Variants in DUSP8 observed in about 807,000 individuals in gnomAD.
The protein encoded by DUSP8 is dual specificity protein phosphatase 8.
Under a neutral mutation model 38.7 loss-of-function variants are expected in DUSP8, and 15 were observed. The ratio of observed to expected loss-of-function variants is 0.39; its 90% CI spans 0.26 to 0.60. The LOEUF (loss-of-function observed/expected upper bound fraction) is 0.60, where lower values mean the gene tolerates loss of function less well. Ranked by LOEUF, DUSP8 falls within the 20% of genes least tolerant of loss-of-function variation. The pLI is 0.56. For missense variants in DUSP8, 768 were observed against 915.0 expected (o/e 0.84, Z 2.07); for synonymous variants, 458 against 433.9 (o/e 1.06, Z -0.69).
At chr11:1,568,318 G>T (rs1394179018) in intron 1 of DUSP8, among the ~76,000 whole-genome samples, 1 of 144,838 alleles carries the variant, frequency 6.9e-6, no homozygotes, top group African/African-American at 2.5e-5. Context: ...CCAGATCTGA[G>T]ACCCAGAGGG....
intron 2 of DUSP8, 82 bp downstream of exon 2, chr11:1,565,514 A>AG (rs1402064434): frequency 2.7e-6 from 3 of 1,113,752 alleles, no homozygotes; most frequent in Non-Finnish European, 3.9e-6. Flanking sequence ...AAGGCAGAGG[A>AG]GGGGGGTGCT....
In DUSP8 at chr11:1,556,280, G is replaced by A. The variant is rs1419471393; in HGVS notation, c.*238C>T. 6.0e-6 allele frequency: 3 copies of A among 497,576 alleles called. No homozygotes were observed. The highest frequency in any genetic ancestry group is 2.1e-4 in the South Asian group (2 of 9,312). 30.8% of individuals were successfully genotyped at this position (497,576 alleles called of 1,614,324 possible). On this transcript the variant is annotated 3_prime_UTR_variant, in exon 7 of 7. Coordinates refer to ENST00000397374, the MANE Select transcript of DUSP8 (RefSeq NM_004420.3). The surrounding 1 kb of genome is among the most constrained non-coding windows in gnomAD (Gnocchi z 5.2). ...CCAGCTTGCGACTGAAGGTGGCCTC[G>A]TATTGCTTAGAAACGTATGTTTCAG...
chr11:1,562,474 G>A (rs1044704462), intron 3 of DUSP8, among the ~76,000 whole-genome samples: 5 of 152,150 alleles, frequency 3.3e-5, no homozygotes, highest in African/African-American at 7.2e-5. Flanking sequence ...ATCAGAGTGC[G>A]TCATTCTGTG....
At chr11:1,564,881 G>C (rs1188122166) in intron 2 of DUSP8, among the ~76,000 whole-genome samples, 1 of 152,162 alleles carries the variant, frequency 6.6e-6, no homozygotes, top group Non-Finnish European at 1.5e-5. Context: ...CAGTGACCCA[G>C]ACCCCTCTCA....
At position 1,565,803 on chromosome 11, in the gene DUSP8, C is replaced by T; in HGVS notation, c.24G>A (p.Arg8=). The change falls in exon 2 of 7, where the codon AGG becomes AGA. Residue 8 remains arginine (R), a synonymous_variant. Transcript: ENST00000397374. MAGDRLP[R]KVMDAKKLAS... is the part of the protein sequence containing the mutation. ...CCAGCTTCTTGGCATCCATCACCTT[C>T]CTCGGGAGCCGGTCCCCAGCCATGG... The T allele has an allele frequency of 1.2e-6, 2 of 1,607,400 alleles. No individual in the cohort carries two copies. Among genetic ancestry groups the T allele is most frequent in the South Asian group, 1.1e-5 (1 of 90,948 alleles).
chr11:1,568,609 G>A (rs1054954617), intron 1 of DUSP8, among the ~76,000 whole-genome samples: 1 of 152,122 alleles, frequency 6.6e-6, no homozygotes, highest in Non-Finnish European at 1.5e-5. Context: ...GAGTGGGCAC[G>A]CGCCCCTCCC....
chr11:1,568,798 G>A (rs2076184210), intron 1 of DUSP8, among the ~76,000 whole-genome samples: 1 of 152,198 alleles, frequency 6.6e-6, no homozygotes, highest in Non-Finnish European at 1.5e-5. Flanking sequence ...TCTGTACTGC[G>A]AAGGGCTGGC....
intron 2 of DUSP8, among the ~76,000 whole-genome samples, 182 bp from the exon 3 acceptor site, chr11:1,564,171 G>A (rs1019266149): frequency 7.9e-5 from 12 of 152,204 alleles, no homozygotes; most frequent in Admixed American, 2.6e-4. Context: ...TCTGCCAGAG[G>A]CCCAGATGCA....
At position 1,565,975 on chromosome 11, in the gene DUSP8, TG is replaced by T. The variant is rs1848796984; in HGVS notation, c.-108-42del. ...GATGGTCAGCAGTGCTGCGGGCCCC[TG>T]GGTGGCACCCAGAAGCTCCCCAGGA... On this transcript the variant is annotated intron_variant, in intron 1 of 6. Transcript: ENST00000397374. 7.4e-6 allele frequency: 5 copies of T among 672,100 alleles called. No individual in the cohort carries two copies. In the Admixed American group the frequency reaches 1.3e-4, roughly 18 times the overall value. 41.6% of individuals were successfully genotyped at this position (672,100 alleles called of 1,614,324 possible).
chr11:1,559,173 C>T, intron 3 of DUSP8, 118 bp from the exon 4 acceptor site: 2 of 1,038,006 alleles, frequency 1.9e-6, no homozygotes, highest in Non-Finnish European at 2.7e-6. Flanking sequence ...ACACCCAGCC[C>T]AGACCCGAGC....
rs1190117957 is a variant in DUSP8, at chr11:1,571,975, A to G, written c.-183T>C. The stretch of plus-strand genomic sequence containing the variant: ...GGGCGCCCGCTCGGCCGCGCCGTCC[A>G]TGGGCCCGGCGGGGGCCCGCGCAGC... On this transcript the variant is annotated 5_prime_UTR_variant, in exon 1 of 7. An upstream start codon of the reference 5' UTR is lost. Coordinates refer to ENST00000397374, the MANE Select transcript of DUSP8 (RefSeq NM_004420.3). The G allele has an allele frequency of 6.9e-6, 1 of 144,834 alleles. No homozygotes were observed. Among genetic ancestry groups the G allele is most frequent in the Admixed American group, 6.8e-5 (1 of 14,632 alleles). The allele number at this position is 144,834 out of a possible 1,614,324, so 9.0% of individuals were successfully genotyped here.
rs1848910679 is a variant in DUSP8 at position 1,572,055 on chromosome 11, C to CCGCCAA, written c.-269_-264dup. The CCGCCAA allele has an allele frequency of 6.9e-6, 1 of 145,608 alleles. No homozygotes were observed. Among genetic ancestry groups the CCGCCAA allele is most frequent in the Admixed American group, 6.8e-5 (1 of 14,694 alleles). 9.0% of individuals were successfully genotyped at this position (145,608 alleles called of 1,614,324 possible). ...CGCGTCGCCGTCGCCGCCGTCGCCG[C>CCGCCAA]CGCCAACGCCGCGGGGAGCGCTCGC... On this transcript the variant is annotated 5_prime_UTR_variant, in exon 1 of 7. Transcript: ENST00000397374. The surrounding 1 kb of genome is among the most constrained non-coding windows in gnomAD (Gnocchi z 4.7).
At chr11:1,562,196 C>G (rs1023306944) in intron 3 of DUSP8, among the ~76,000 whole-genome samples, 5 of 152,294 alleles carry the variant, frequency 3.3e-5, no homozygotes, top group Admixed American at 3.3e-4. Flanking sequence ...CCCCAGCCCC[C>G]CAAACCGTCC....
chr11:1,561,466 G>A (rs918318530), intron 3 of DUSP8, among the ~76,000 whole-genome samples: 6 of 152,226 alleles, frequency 3.9e-5, no homozygotes, highest in African/African-American at 1.4e-4. Context: ...CAGTGCAGTC[G>A]CCCGGCCAAG....
chr11:1,563,750 C>T, intron 3 of DUSP8, 101 bp downstream of exon 3: 1 of 1,245,306 alleles, frequency 8.0e-7, no homozygotes. Context: ...GTATGGAGAT[C>T]CCCCCGTGCC....
chr11:1,563,519 C>G (rs1848753679), intron 3 of DUSP8, among the ~76,000 whole-genome samples: 1 of 152,146 alleles, frequency 6.6e-6, no homozygotes, highest in Admixed American at 6.5e-5. Context: ...CCTCGGGACC[C>G]CACGGCTCCA....
rs928225453 is a variant in DUSP8 at position 1,555,239 on chromosome 11, C to G, written c.*1279G>C. 2.0e-6 allele frequency: 2 copies of G among 987,772 alleles called. No homozygotes were observed. The highest frequency in any genetic ancestry group is 1.7e-5 in the African/African-American group (1 of 57,294). 61.2% of individuals were successfully genotyped at this position (987,772 alleles called of 1,614,324 possible). A position where few individuals can be genotyped will look rare whatever the true frequency, so the allele number is the denominator to read the frequency against. On this transcript the variant is annotated 3_prime_UTR_variant, in exon 7 of 7. Transcript: ENST00000397374. ...TTGTGTTTGGGGGCTGGCATGCCAC[C>G]TAGAGAGAGAGCACCCTGGGAAAGG...
rs1173558756 is a variant in DUSP8, at chr11:1,557,001, C to CGCGGGGGAGCCG, written c.1383_1394dup (p.Gly462_Ala465dup). 2.0e-6 allele frequency: 2 copies of CGCGGGGGAGCCG among 1,019,766 alleles called. No homozygotes were observed. Among genetic ancestry groups the CGCGGGGGAGCCG allele is most frequent in the East Asian group, 9.8e-5 (1 of 10,238 alleles). The allele number at this position is 1,019,766 out of a possible 1,614,324, so 63.2% of individuals were successfully genotyped here. On this transcript the variant is annotated inframe_insertion, in exon 7 of 7. Transcript: ENST00000397374. The surrounding 1 kb of genome is among the most constrained non-coding windows in gnomAD (Gnocchi z 9.9). ...GGCCGAGGCTGTGCGCGGGGGAGCG[C>CGCGGGGGAGCCG]GCGGGGGAGCCGGCGGGGGGCCGGG... is the stretch of plus-strand genomic sequence containing the variant.
At chr11:1,566,481 T>C (rs1324832148) in intron 1 of DUSP8, among the ~76,000 whole-genome samples, 1 of 152,130 alleles carries the variant, frequency 6.6e-6, no homozygotes, top group Admixed American at 6.5e-5. Context: ...TGGTGGATGG[T>C]GGCCTTGGGG....
Sources: gnomAD v4.1 joint callset for allele counts (sites outside exome capture counted in the v4.1 genomes callset) on GRCh38, gnomAD v4.1.1 for gene constraint, Gnocchi (gnomAD v3.1) non-coding constraint, MANE v1.5 for transcripts, NCBI Gene and HGNC (gene_info 2026-07-23, HGNC 2026-07-21) for gene names.